ITGB4: variants seen among roughly 807,000 people sequenced by gnomAD.
ITGB4 encodes integrin beta-4.
In ITGB4, 159 loss-of-function variants were observed where a neutral mutation model predicts 207.6. That is an observed-to-expected ratio of 0.77 (90% CI 0.67 to 0.87). ITGB4 has a LOEUF of 0.87. Ranked by LOEUF, ITGB4 falls within the 40% of genes least tolerant of loss-of-function variation. ITGB4 has a pLI of 0.00. For synonymous variants in ITGB4, 1,020 were observed against 1,062.7 expected (o/e 0.96, Z 0.78); for missense variants, 2,278 against 2,546.8 (o/e 0.89, Z 2.27).
chr17:75,749,132 C>A, intron 27 of ITGB4, 87 bp downstream of exon 27: 1 of 1,082,228 alleles, frequency 9.2e-7, no homozygotes, highest in Admixed American at 2.0e-5. Flanking sequence ...TTAGCAAATC[C>A]AAACACAGGA....
rs1212242454 is a variant in ITGB4, at chr17:75,728,397, A to C, written c.490A>C (p.Thr164Pro). The C allele has an allele frequency of 2.5e-6, 4 of 1,614,018 alleles. No individual in the cohort carries two copies. The African/African-American group carries it at 5.3e-5, about 22-fold the overall frequency. Residue 164 changes from threonine to proline, a missense_variant, in exon 6 of 40, where the codon ACC (threonine) becomes CCC (proline). Thr to Pro is a conservative substitution (Grantham distance 38). Transcript: ENST00000200181. ...QNLARVLSQL[T>P]SDYTIGFGKF... ...TCCAGCTCGGGTCCTGAGCCAGCTCACCAGCGACTACACTATTGGATTTGG... is the reference window on the plus strand; with the variant it reads ...TCCAGCTCGGGTCCTGAGCCAGCTCCCCAGCGACTACACTATTGGATTTGG...
intron 26 of ITGB4, among the ~76,000 whole-genome samples, chr17:75,748,197 CAA>C (rs57537115): frequency 3.8e-5 from 3 of 78,656 alleles, no homozygotes; most frequent in Non-Finnish European, 4.7e-5. Context: ...CGTGCCTCTA[CAA>C]AAAAAAAAAA....
At position 75,740,221 on chromosome 17, in the gene ITGB4, C is replaced by A; in HGVS notation, c.2447-137C>A. 1 of 1,209,026 alleles carries A rather than the reference C, an allele frequency of 8.3e-7. No homozygotes were observed. Among genetic ancestry groups the A allele is most frequent in the Non-Finnish European group, 1.2e-6 (1 of 847,700 alleles). The allele number at this position is 1,209,026 out of a possible 1,614,324, so 74.9% of individuals were successfully genotyped here. ...GCCCTGTGCTGATGGTGCTATGAAC[C>A]TCATGCCTCGGTGTGCGTGGCCTGC... On this transcript the variant is annotated intron_variant, in intron 20 of 39. Coordinates refer to ENST00000200181, the MANE Select transcript of ITGB4 (RefSeq NM_000213.5). This position sits in a 1 kb window ranked among gnomAD's most constrained non-coding sequence, Gnocchi z 5.9.
intron 33 of ITGB4, among the ~76,000 whole-genome samples, chr17:75,754,274 T>G (rs944317851): frequency 2.6e-5 from 4 of 152,160 alleles, no homozygotes; most frequent in African/African-American, 9.7e-5. Flanking sequence ...GAGGGAAGGC[T>G]TGGGGATCTC....
chr17:75,737,717 C>G lies in ITGB4; in HGVS notation c.2220+73C>G. ...CCCCAACAGGGCCCCCACCCTCCAC[C>G]AGGGTCCCCAGTCCCCGCCTGAGTT... On this transcript the variant is annotated intron_variant, in intron 18 of 39. Transcript: ENST00000200181. 4 of 1,240,866 alleles carry G rather than the reference C, an allele frequency of 3.2e-6. No homozygotes were observed. In the South Asian group the frequency reaches 4.8e-5, roughly 15 times the overall value. 76.9% of individuals were successfully genotyped at this position (1,240,866 alleles called of 1,614,324 possible).
At chr17:75,728,328 G>A in intron 5 of ITGB4, 49 bp from the exon 6 acceptor site, 1 of 1,540,144 alleles carries the variant, frequency 6.5e-7, no homozygotes, top group Non-Finnish European at 9.0e-7. Flanking sequence ...CCGTGTTTAT[G>A]CCAGGCATCA....
At chr17:75,721,874 G>A (rs1399742011) in intron 1 of ITGB4, among the ~76,000 whole-genome samples, 1 of 152,246 alleles carries the variant, frequency 6.6e-6, no homozygotes, top group Non-Finnish European at 1.5e-5. Context: ...AGTGGGCAGA[G>A]GCCAGTGGCT....
Position 75,731,194 on chromosome 17 carries a change from T to C in ITGB4, c.1093-52T>C. 6.2e-7 allele frequency: 1 copy of C among 1,612,596 alleles called. No homozygotes were observed. Among genetic ancestry groups the C allele is most frequent in the Non-Finnish European group, 8.5e-7 (1 of 1,179,842 alleles). ...TGCCAGCCACACTTGGAGGTTGGGGTGGAGCACAGAGGCCCCCCACAGAGC... is the reference window on the plus strand; with the variant it reads ...TGCCAGCCACACTTGGAGGTTGGGGCGGAGCACAGAGGCCCCCCACAGAGC... On this transcript the variant is annotated intron_variant, in intron 9 of 39. Coordinates refer to ENST00000200181, the MANE Select transcript of ITGB4 (RefSeq NM_000213.5). This position sits in a 1 kb window ranked among gnomAD's most constrained non-coding sequence, Gnocchi z 6.8.
At chr17:75,728,516 C>A in intron 6 of ITGB4, 43 bp downstream of exon 6, 2 of 1,421,640 alleles carry the variant, frequency 1.4e-6, no homozygotes, top group Non-Finnish European at 2.0e-6. Context: ...AGGGTCCAGG[C>A]CATGTGACCC....
Position 75,740,071 on chromosome 17 carries a change from G to A in ITGB4, c.2446G>A (p.Val816Met), listed in dbSNP as rs1038549099. Residue 816 changes from valine (V) to methionine (M), a missense_variant and splice_region_variant, in exon 20 of 40, where the codon GTG becomes ATG. Coordinates refer to ENST00000200181, the MANE Select transcript of ITGB4 (RefSeq NM_000213.5). The surrounding 1 kb of genome is among the most constrained non-coding windows in gnomAD (Gnocchi z 5.9). The stretch of plus-strand genomic sequence containing the variant: ...CGCCAGCATCAACCCCACAGAGCTG[G>A]GTGAGGGCGGGGCTGGGCGCCACAG... Reference protein sequence around the residue: ...HAASINPTELVPYGLSLRLAR... With the variant: ...HAASINPTELMPYGLSLRLAR... 1.9e-6 allele frequency: 3 copies of A among 1,610,834 alleles called. No individual in the cohort carries two copies. The highest frequency in any genetic ancestry group is 3.3e-5 in the Admixed American group (2 of 59,916).
chr17:75,742,446 C>A lies in ITGB4; in HGVS notation c.2739C>A (p.Asp913Glu). The A allele has an allele frequency of 6.2e-7, 1 of 1,613,238 alleles. No individual in the cohort carries two copies. Among genetic ancestry groups the A allele is most frequent in the Non-Finnish European group, 8.5e-7 (1 of 1,179,862 alleles). The change falls in exon 24 of 40, where the codon GAC (aspartate) becomes GAA (glutamate). Residue 913 changes from aspartate (D) to glutamate (E), a missense_variant. Physicochemically the swap from Asp to Glu is conservative, Grantham distance 45 (BLOSUM62 2). Transcript: ENST00000200181. This position sits in a 1 kb window ranked among gnomAD's most constrained non-coding sequence, Gnocchi z 5.9. ...AGGTGGAACAGAGGGCCTTCCACGACCTCAAGGTGGCCCCCGGCTACTACA... is the reference window on the plus strand; with the variant it reads ...AGGTGGAACAGAGGGCCTTCCACGAACTCAAGGTGGCCCCCGGCTACTACA... ...EKQVEQRAFH[D>E]LKVAPGYYTL...
Position 75,736,684 on chromosome 17 carries a change from G to T in ITGB4, c.1980G>T (p.Glu660Asp). 6.3e-7 allele frequency: 1 copy of T among 1,595,496 alleles called. No individual in the cohort carries two copies. Reference sequence around the variant, plus strand: ...ACTTCAAGGTCAAGATGGTGGACGAGCTTAAGAGAGGTAGGGGCAGGGGCT... The same window carrying T: ...ACTTCAAGGTCAAGATGGTGGACGATCTTAAGAGAGGTAGGGGCAGGGGCT... ...ECNFKVKMVD[E>D]LKRAEEVVVR... is the part of the protein sequence containing the mutation. The change falls in exon 16 of 40, where the codon GAG (glutamate) becomes GAT (aspartate). Residue 660 changes from glutamate to aspartate, a missense_variant. Glu to Asp is a conservative substitution (Grantham distance 45, BLOSUM62 2). Coordinates refer to ENST00000200181, the MANE Select transcript of ITGB4 (RefSeq NM_000213.5).
chr17:75,751,974 G>A (rs1290135183), intron 30 of ITGB4, 200 bp from the exon 31 acceptor site: 1 of 697,298 alleles, frequency 1.4e-6, no homozygotes, highest in Admixed American at 2.0e-5. Context: ...GTCCCTTGGA[G>A]GACTGGTGAC....
At position 75,756,819 on chromosome 17, in the gene ITGB4, C is replaced by G; in HGVS notation, c.5013C>G (p.Ile1671Met). 1.2e-6 allele frequency: 2 copies of G among 1,612,404 alleles called. No homozygotes were observed. Among genetic ancestry groups the G allele is most frequent in the Non-Finnish European group, 1.7e-6 (2 of 1,179,986 alleles). ...WERPRRPNGDIVGYLVTCEMA... is the reference protein window; with the variant it reads ...WERPRRPNGDMVGYLVTCEMA... ...GGCCACGGAGGCCCAATGGGGATATCGTCGGCTACCTGGTGACCTGTGAGA... is the reference window on the plus strand; with the variant it reads ...GGCCACGGAGGCCCAATGGGGATATGGTCGGCTACCTGGTGACCTGTGAGA... Residue 1671 changes from isoleucine (I) to methionine (M), a missense_variant, in exon 37 of 40, where the codon ATC (isoleucine) becomes ATG (methionine). By Grantham distance (10) the Ile-to-Met change is conservative. Transcript: ENST00000200181.
chr17:75,742,037 G>A lies in ITGB4; in HGVS notation c.2634-304G>A, dbSNP rs868136959. 1.3e-5 allele frequency among the ~76,000 whole-genome samples: 2 copies of A among 152,214 alleles called. No homozygotes were observed. Among genetic ancestry groups the A allele is most frequent in the Middle Eastern group, 3.2e-3 (1 of 316 alleles). On this transcript the variant is annotated intron_variant, in intron 23 of 39. Transcript: ENST00000200181. This position sits in a 1 kb window ranked among gnomAD's most constrained non-coding sequence, Gnocchi z 5.9. The stretch of plus-strand genomic sequence containing the variant: ...GAACTAGAACCAGGGCTAGGGCCGC[G>A]GCAGCCTGGCCTGAGCACACACACC...
rs541263907 is a variant in ITGB4 at position 75,741,766 on chromosome 17, A to G, written c.2634-575A>G. Among the ~76,000 whole-genome samples, 69 of 151,776 alleles carry G rather than the reference A, an allele frequency of 4.5e-4. 1 individual carries two copies. Among genetic ancestry groups the G allele is most frequent in the African/African-American group, 1.5e-3 (64 of 41,364 alleles). ...GGTTGCAGTGAGCCGAGATTGCGCC[A>G]CTGCACTCCAGCCTGGGCGACTGAG... is the stretch of plus-strand genomic sequence containing the variant. On this transcript the variant is annotated intron_variant, in intron 23 of 39. Coordinates refer to ENST00000200181, the MANE Select transcript of ITGB4 (RefSeq NM_000213.5).
Position 75,727,085 on chromosome 17 carries a change from T to C in ITGB4, c.80-110T>C. 1.2e-6 allele frequency: 1 copy of C among 861,636 alleles called. No homozygotes were observed. Among genetic ancestry groups the C allele is most frequent in the Non-Finnish European group, 1.9e-6 (1 of 522,458 alleles). 53.4% of individuals were successfully genotyped at this position (861,636 alleles called of 1,614,324 possible). A position where few individuals can be genotyped will look rare whatever the true frequency, so the allele number is the denominator to read the frequency against. ...GAGACTCTGTCTCAAAATAAATAAA[T>C]AAATAACATAAGGAGGGAATCCCCA... On this transcript the variant is annotated intron_variant, in intron 2 of 39. Coordinates refer to ENST00000200181, the MANE Select transcript of ITGB4 (RefSeq NM_000213.5). The surrounding 1 kb of genome is among the most constrained non-coding windows in gnomAD (Gnocchi z 6.0).
Position 75,727,896 on chromosome 17 carries a change from G to A in ITGB4, c.469+41G>A, listed in dbSNP as rs764454977. The A allele has an allele frequency of 1.3e-6, 2 of 1,589,020 alleles. No individual in the cohort carries two copies. The highest frequency in any genetic ancestry group is 1.7e-6 in the Non-Finnish European group (2 of 1,159,670). On this transcript the variant is annotated intron_variant, in intron 5 of 39. Coordinates refer to ENST00000200181, the MANE Select transcript of ITGB4 (RefSeq NM_000213.5). This position sits in a 1 kb window ranked among gnomAD's most constrained non-coding sequence, Gnocchi z 6.0. ...AGTGGAGGACAGCAGGGCAGGAGGG[G>A]GACAGGTGGGCGTCTGCTTGGGAGG...
At chr17:75,724,373 AAAG>A (rs1231109489) in intron 1 of ITGB4, among the ~76,000 whole-genome samples, 1 of 152,240 alleles carries the variant, frequency 6.6e-6, no homozygotes, top group Non-Finnish European at 1.5e-5. Context: ...GCTAAAAGGC[AAAG>A]AAGAATAAAC....
Sources: gnomAD v4.1 joint callset for allele counts (sites outside exome capture counted in the v4.1 genomes callset) on GRCh38, gnomAD v4.1.1 for gene constraint, Gnocchi (gnomAD v3.1) non-coding constraint, MANE v1.5 for transcripts, NCBI Gene and HGNC (gene_info 2026-07-23, HGNC 2026-07-21) for gene names.